The following CDYL2 variants were observed in gnomAD, a reference collection of about 807,000 sequenced individuals.
CDYL2 encodes chromodomain Y like 2.
Under a neutral mutation model 49.4 loss-of-function variants are expected in CDYL2, and 23 were observed. The observed-to-expected ratio is 0.47, with a 90% confidence interval of 0.34 to 0.66. CDYL2 has a LOEUF of 0.66. Ranked by LOEUF, CDYL2 falls within the 30% of genes least tolerant of loss-of-function variation. The pLI, the probability that CDYL2 is intolerant of heterozygous loss-of-function variation, is 0.01. For synonymous variants in CDYL2, 360 were observed against 268.8 expected (o/e 1.34, Z -3.32); for missense variants, 678 against 656.4 (o/e 1.03, Z -0.36).
chr16:80,726,011 TC>T (rs1414839014), intron 1 of CDYL2, among the ~76,000 whole-genome samples: 1 of 152,194 alleles, frequency 6.6e-6, no homozygotes, highest in African/African-American at 2.4e-5. Context: ...TATTTAAGCT[TC>T]CTCCATTATG....
chr16:80,622,990 A>T (rs1221596365), intron 3 of CDYL2, among the ~76,000 whole-genome samples: 2 of 152,116 alleles, frequency 1.3e-5, no homozygotes, highest in Non-Finnish European at 2.9e-5. Context: ...GCTCAGAGAG[A>T]AAGGTGACTT....
intron 2 of CDYL2, among the ~76,000 whole-genome samples, chr16:80,634,064 C>T (rs1907700682): frequency 6.6e-6 from 1 of 150,568 alleles, no homozygotes; most frequent in Admixed American, 6.6e-5. Flanking sequence ...GAAAACACTT[C>T]CCAAATACCT....
intron 1 of CDYL2, among the ~76,000 whole-genome samples, chr16:80,715,160 CT>C (rs1421890778): frequency 3.3e-5 from 5 of 152,130 alleles, no homozygotes; most frequent in Non-Finnish European, 4.4e-5. Flanking sequence ...AGCCATGGAT[CT>C]AACAATGGCC....
intron 1 of CDYL2, among the ~76,000 whole-genome samples, chr16:80,734,323 A>G (rs8047203): frequency 0.79 from 120,261 of 152,150 alleles, 49,450 homozygotes; most frequent in Non-Finnish European, 0.91. Context: ...CTTCGGGGTC[A>G]TAATCATCTT....
In CDYL2 at chr16:80,765,911, G is replaced by C. The variant is rs547987640; in HGVS notation, c.24+38239C>G. Among the ~76,000 whole-genome samples the C allele has an allele frequency of 1.7e-4, 24 of 143,976 alleles. No individual in the cohort carries two copies. The South Asian group carries it at 5.4e-3, about 32-fold the overall frequency. 94.5% of individuals were successfully genotyped at this position (143,976 alleles called of 152,430 possible). ...AAAAAAAAAAAAGGAATGAAGTACT[G>C]ATACAAGCGACAACATGGATGAACC... On this transcript the variant is annotated intron_variant, in intron 1 of 6. Transcript: ENST00000570137.
chr16:80,689,223 G>C (rs761726323), intron 1 of CDYL2, among the ~76,000 whole-genome samples: 6 of 152,122 alleles, frequency 3.9e-5, no homozygotes, highest in Non-Finnish European at 7.4e-5. Flanking sequence ...CATGATCCCA[G>C]CTAATGTGAG....
Position 80,603,751 on chromosome 16 carries a change from A to T in CDYL2, c.*637T>A, listed in dbSNP as rs531333991. On this transcript the variant is annotated 3_prime_UTR_variant, in exon 7 of 7. Coordinates refer to ENST00000570137, the MANE Select transcript of CDYL2 (RefSeq NM_152342.4). ...ACTAGCTTTACATATAATACACATA[A>T]ATTATCAGAATTTCCACTTACATTG... is the stretch of plus-strand genomic sequence containing the variant. The T allele has an allele frequency of 6.5e-6, 1 of 152,796 alleles. No homozygotes were observed. The highest frequency in any genetic ancestry group is 2.1e-4 in the South Asian group (1 of 4,824). The allele number at this position is 152,796 out of a possible 1,614,324, so 9.5% of individuals were successfully genotyped here.
intron 3 of CDYL2, among the ~76,000 whole-genome samples, chr16:80,622,981 C>T (rs1375038937): frequency 4.6e-5 from 7 of 152,122 alleles, no homozygotes; most frequent in Non-Finnish European, 7.4e-5. Context: ...GAAACTGAGG[C>T]TCAGAGAGAA....
Position 80,730,273 on chromosome 16 carries a change from A to T in CDYL2, c.25-45144T>A, listed in dbSNP as rs1597103882. 2.6e-5 allele frequency among the ~76,000 whole-genome samples: 4 copies of T among 152,330 alleles called. No homozygotes were observed. The South Asian group carries it at 8.3e-4, about 32-fold the overall frequency. On this transcript the variant is annotated intron_variant, in intron 1 of 6. Coordinates refer to ENST00000570137, the MANE Select transcript of CDYL2 (RefSeq NM_152342.4). Reference sequence around the variant, plus strand: ...AATAAAAAATGATAAAGGGGATATCACCACCGATCCCACAGAAATACAAAC... The same window carrying T: ...AATAAAAAATGATAAAGGGGATATCTCCACCGATCCCACAGAAATACAAAC...
chr16:80,732,088 A>T (rs1278293172), intron 1 of CDYL2, among the ~76,000 whole-genome samples: 1 of 152,190 alleles, frequency 6.6e-6, no homozygotes, highest in Admixed American at 6.5e-5. Flanking sequence ...AATTAAATAG[A>T]CAGTCATAAT....
intron 1 of CDYL2, among the ~76,000 whole-genome samples, chr16:80,686,728 A>G (rs966282007): frequency 6.6e-6 from 1 of 152,252 alleles, no homozygotes; most frequent in African/African-American, 2.4e-5. Context: ...GTCATGCAAA[A>G]TAATTAAACC....
At chr16:80,759,288 G>C (rs1306065925) in intron 1 of CDYL2, among the ~76,000 whole-genome samples, 1 of 151,236 alleles carries the variant, frequency 6.6e-6, no homozygotes, top group African/African-American at 2.4e-5. Context: ...TGTGCCTTTT[G>C]AATACTTCAC....
chr16:80,738,033 G>A (rs1220766927), intron 1 of CDYL2, among the ~76,000 whole-genome samples: 6 of 90,502 alleles, frequency 6.6e-5, no homozygotes, highest in South Asian at 3.8e-4. Context: ...CCAGCCCCCC[G>A]ACAGGCCCCA....
chr16:80,641,872 A>G (rs888591435), intron 2 of CDYL2, among the ~76,000 whole-genome samples: 11 of 151,884 alleles, frequency 7.2e-5, no homozygotes, highest in African/African-American at 2.7e-4. Context: ...CATTGTGCAC[A>G]TGTACCCTAA....
At chr16:80,688,467 G>T (rs7190255) in intron 1 of CDYL2, among the ~76,000 whole-genome samples, 13,577 of 152,186 alleles carry the variant, frequency 0.089, 1,058 homozygotes, top group African/African-American at 0.21. Context: ...ATCACTACAA[G>T]ATGAATGGAT....
At chr16:80,672,554 G>GGAAAGGAAAC (rs1567564879) in intron 2 of CDYL2, among the ~76,000 whole-genome samples, 4 of 121,932 alleles carry the variant, frequency 3.3e-5, no homozygotes, top group South Asian at 3.0e-4. Context: ...GGAAAGGAAA[G>GGAAAGGAAAC]GAAAGGAAAG....
chr16:80,688,475 G>C (rs1910286035), intron 1 of CDYL2, among the ~76,000 whole-genome samples: 1 of 152,124 alleles, frequency 6.6e-6, no homozygotes, highest in South Asian at 2.1e-4. Flanking sequence ...AAGATGAATG[G>C]ATGACTCCGA....
At chr16:80,797,691 A>C (rs1253855367) in intron 1 of CDYL2, among the ~76,000 whole-genome samples, 1 of 152,124 alleles carries the variant, frequency 6.6e-6, no homozygotes, top group Non-Finnish European at 1.5e-5. Context: ...GTTATTGTAC[A>C]TTTTCCATTA....
chr16:80,652,601 T>C (rs755574922), intron 2 of CDYL2, among the ~76,000 whole-genome samples: 1 of 152,138 alleles, frequency 6.6e-6, no homozygotes, highest in Non-Finnish European at 1.5e-5. Context: ...GAGCACAGTG[T>C]GTAGAGGGGG....
Sources: gnomAD v4.1 joint callset for allele counts (sites outside exome capture counted in the v4.1 genomes callset) on GRCh38, gnomAD v4.1.1 for gene constraint, MANE v1.5 for transcripts, NCBI Gene and HGNC (gene_info 2026-07-23, HGNC 2026-07-21) for gene names.